Variants in FARP1 observed in about 807,000 individuals in gnomAD.
FARP1 encodes the protein FERM, ARHGEF and pleckstrin domain-containing protein 1.
In FARP1, 52 loss-of-function variants were observed where a neutral mutation model predicts 128.8. The ratio of observed to expected loss-of-function variants is 0.40; its 90% CI spans 0.32 to 0.51. The LOEUF (loss-of-function observed/expected upper bound fraction) is 0.51, where lower values mean the gene tolerates loss of function less well. Among genes scored for constraint, FARP1 ranks in the 20% least tolerant of loss-of-function variants. The pLI, the probability that FARP1 is intolerant of heterozygous loss-of-function variation, is 0.45. For missense variants in FARP1, 1,333 were observed against 1,367.9 expected, an observed-to-expected ratio of 0.97 and a Z score of 0.40; for synonymous variants, 580 against 551.8, an observed-to-expected ratio of 1.05 and a Z score of -0.72.
At chr13:98,260,276 A>G (rs1419094135) in intron 2 of FARP1, among the ~76,000 whole-genome samples, 3 of 152,178 alleles carry the variant, frequency 2.0e-5, no homozygotes, top group Non-Finnish European at 4.4e-5. Context: ...TTAGTAACCC[A>G]TTGCTCATCT....
intron 3 of FARP1, among the ~76,000 whole-genome samples, chr13:98,346,687 G>A (rs1888192651): frequency 6.6e-6 from 1 of 152,124 alleles, no homozygotes; most frequent in South Asian, 2.1e-4. Flanking sequence ...AGAGGTTGCA[G>A]TGAGCTGAGA....
intron 18 of FARP1, 170 bp downstream of exon 18, chr13:98,431,450 G>C: frequency 1.9e-6 from 1 of 520,782 alleles, no homozygotes; most frequent in Non-Finnish European, 3.4e-6. Context: ...CTGGTGTTTG[G>C]TTACATCTTG....
rs1250309761 is a variant in FARP1 at position 98,395,334 on chromosome 13, G to A, written c.1272G>A (p.Ser424=). Residue 424 remains serine, a synonymous_variant, in exon 13 of 27, where the codon TCG becomes TCA. Coordinates refer to ENST00000319562, the MANE Select transcript of FARP1 (RefSeq NM_005766.4). ...EPKVSAGEPG[S]HPSPAPRRSP... ...AGGTTTCCGCCGGGGAGCCGGGGTC[G>A]CACCCGAGCCCTGCGCCGAGGAGAA... 1.2e-6 allele frequency: 2 copies of A among 1,609,914 alleles called. No individual in the cohort carries two copies. Among genetic ancestry groups the A allele is most frequent in the Non-Finnish European group, 1.7e-6 (2 of 1,177,482 alleles).
chr13:98,356,670 G>A (rs915225667), intron 3 of FARP1, among the ~76,000 whole-genome samples: 1 of 122,658 alleles, frequency 8.2e-6, no homozygotes, highest in Admixed American at 8.4e-5. Context: ...AGACAGCCTC[G>A]CTCTGTTGCC....
At chr13:98,285,349 G>A (rs2139642188) in intron 2 of FARP1, among the ~76,000 whole-genome samples, 1 of 152,240 alleles carries the variant, frequency 6.6e-6, no homozygotes, top group Non-Finnish European at 1.5e-5. Context: ...CGTCATGAAT[G>A]CTAGCTCCTT....
chr13:98,334,280 A>G (rs1427811233), intron 2 of FARP1: 2 of 152,210 alleles, frequency 1.3e-5, no homozygotes, highest in African/African-American at 4.8e-5. Flanking sequence ...TCTGGTCTCA[A>G]GTGTCCAGGG....
At chr13:98,247,629 C>T (rs139421211) in intron 2 of FARP1, among the ~76,000 whole-genome samples, 117 of 152,284 alleles carry the variant, frequency 7.7e-4, no homozygotes, top group African/African-American at 2.5e-3. Context: ...GGATCCAGGG[C>T]AGGGGAGGAA....
chr13:98,218,460 T>G (rs1881223760), intron 2 of FARP1, among the ~76,000 whole-genome samples: 1 of 152,202 alleles, frequency 6.6e-6, no homozygotes, highest in Non-Finnish European at 1.5e-5. Flanking sequence ...GTGAGGACCC[T>G]GTGTTGACAT....
Position 98,207,907 on chromosome 13 carries a change from TCC to T in FARP1, c.-23-5312_-23-5311del, listed in dbSNP as rs1491525701. ...AATATACTGCTCCCCGACCACCACC[TCC>T]ACACACACACACACACACACACACA... is the stretch of plus-strand genomic sequence containing the variant. On this transcript the variant is annotated intron_variant, in intron 1 of 26. Transcript: ENST00000319562. Among the ~76,000 whole-genome samples the T allele has an allele frequency of 7.7e-3, 254 of 33,162 alleles. 1 individual carries two copies. Among genetic ancestry groups the T allele is most frequent in the African/African-American group, 0.029 (241 of 8,340 alleles). 21.8% of individuals were successfully genotyped at this position (33,162 alleles called of 152,430 possible). A position where few individuals can be genotyped will look rare whatever the true frequency, so the allele number is the denominator to read the frequency against.
chr13:98,308,025 CTCT>C (rs1566858619), intron 2 of FARP1, among the ~76,000 whole-genome samples: 46 of 23,980 alleles, frequency 1.9e-3, no homozygotes, highest in African/African-American at 8.1e-3. Flanking sequence ...CCCGCCCCCA[CTCT>C]CTCTCTTTTT....
At chr13:98,447,947 T>TCTCCCCA (rs548956284) in intron 26 of FARP1, 1 of 460,270 alleles carries the variant, frequency 2.2e-6, no homozygotes, top group African/African-American at 2.0e-5. Flanking sequence ...GAGGTAGCGT[T>TCTCCCCA]CTCCCCAGCA....
chr13:98,146,731 T>C (rs1875594367), intron 1 of FARP1, among the ~76,000 whole-genome samples: 1 of 152,228 alleles, frequency 6.6e-6, no homozygotes, highest in African/African-American at 2.4e-5. Flanking sequence ...AGGCATTCCC[T>C]GTATTGGTTA....
rs1888938561 is a variant in FARP1 at position 98,363,078 on chromosome 13, C to A, written c.277-2317C>A. 2.0e-5 allele frequency among the ~76,000 whole-genome samples: 3 copies of A among 152,232 alleles called. No homozygotes were observed. The South Asian group carries it at 6.2e-4, about 32-fold the overall frequency. On this transcript the variant is annotated intron_variant, in intron 3 of 26. Coordinates refer to ENST00000319562, the MANE Select transcript of FARP1 (RefSeq NM_005766.4). ...TAACCTGTTCTCACGCTGCCAGACT[C>A]ATCTTTTAAAAATACAAATCTAATC...
At chr13:98,341,308 C>G (rs1887964010) in intron 2 of FARP1, among the ~76,000 whole-genome samples, 1 of 152,072 alleles carries the variant, frequency 6.6e-6, no homozygotes, top group South Asian at 2.1e-4. Flanking sequence ...CTAAAATGCT[C>G]TGTTCTCAGG....
intron 17 of FARP1, among the ~76,000 whole-genome samples, chr13:98,428,358 GTC>G (rs1566312087): frequency 6.6e-6 from 1 of 152,092 alleles, no homozygotes; most frequent in Admixed American, 6.6e-5. Context: ...TGTATCGCCT[GTC>G]TCTCCAAGCT....
intron 2 of FARP1, among the ~76,000 whole-genome samples, chr13:98,249,219 G>T (rs748473559): frequency 1.3e-5 from 2 of 152,096 alleles, no homozygotes; most frequent in African/African-American, 4.8e-5. Flanking sequence ...GCACCCATGG[G>T]TGCTCATTTA....
chr13:98,226,079 C>T (rs764710589), intron 2 of FARP1, among the ~76,000 whole-genome samples: 1 of 152,170 alleles, frequency 6.6e-6, no homozygotes, highest in Non-Finnish European at 1.5e-5. Context: ...AGTTCGCTAG[C>T]ACTGCTATAA....
intron 2 of FARP1, among the ~76,000 whole-genome samples, chr13:98,248,683 T>C (rs919449582): frequency 1.3e-4 from 20 of 151,984 alleles, no homozygotes; most frequent in African/African-American, 4.8e-4. Context: ...TACAGAAAAA[T>C]GTGAGTTGCC....
chr13:98,170,142 A>G (rs1877551905), intron 1 of FARP1, among the ~76,000 whole-genome samples: 1 of 152,134 alleles, frequency 6.6e-6, no homozygotes, highest in Admixed American at 6.6e-5. Context: ...CTTGGGGAAT[A>G]GTCTAGATTT....
Sources: allele counts gnomAD v4.1 joint callset (sites outside exome capture counted in the v4.1 genomes callset), GRCh38; gene constraint gnomAD v4.1.1; transcripts MANE v1.5; gene names NCBI Gene and HGNC (gene_info 2026-07-23, HGNC 2026-07-21).